Variants in RPH3AL observed in about 807,000 individuals in gnomAD.
The protein encoded by RPH3AL is rab effector Noc2.
RPH3AL carries 38 observed loss-of-function variants against 43.1 expected under a neutral mutation model. That is an observed-to-expected ratio of 0.88 (90% CI 0.68 to 1.15). RPH3AL has a LOEUF of 1.15. RPH3AL is among the 50% of genes most tolerant of loss of function. The pLI, the probability that RPH3AL is intolerant of heterozygous loss-of-function variation, is 0.00. For synonymous variants in RPH3AL, 189 were observed against 176.3 expected (o/e 1.07, Z -0.57); for missense variants, 462 against 423.2 (o/e 1.09, Z -0.81).
Position 324,706 on chromosome 17 carries a change from T to G in RPH3AL, c.77+2761A>C, listed in dbSNP as rs571390990. 8.0e-3 allele frequency among the ~76,000 whole-genome samples: 605 copies of G among 75,642 alleles called. 3 individuals are homozygous for G. The highest frequency in any genetic ancestry group is 0.021 in the African/African-American group (454 of 21,890). The allele number at this position is 75,642 out of a possible 152,430, so 49.6% of individuals were successfully genotyped here. A position where few individuals can be genotyped will look rare whatever the true frequency, so the allele number is the denominator to read the frequency against. On this transcript the variant is annotated intron_variant, in intron 3 of 9. Coordinates refer to ENST00000331302, the MANE Select transcript of RPH3AL (RefSeq NM_006987.4). ...TTCTATCTATCTAGCTAGCTAGCTA[T>G]GTACCTATCTATCTATCTATCTATC...
intron 2 of RPH3AL, chr17:331,418 C>A: frequency 2.8e-6 from 1 of 360,972 alleles, no homozygotes; most frequent in Non-Finnish European, 4.5e-6. Context: ...ACAGGGGTGG[C>A]CCTGAGCAAA....
intron 5 of RPH3AL, among the ~76,000 whole-genome samples, chr17:301,144 G>T (rs1344716108): frequency 6.6e-6 from 1 of 152,284 alleles, no homozygotes; most frequent in African/African-American, 2.4e-5. Flanking sequence ...TCCGCCATAG[G>T]GGCTGCAATC....
chr17:331,885 G>C, intron 2 of RPH3AL: 2 of 1,288,678 alleles, frequency 1.6e-6, no homozygotes, highest in Non-Finnish European at 2.0e-6. Flanking sequence ...ATTTGTCCTG[G>C]ACAAAAATTA....
At chr17:284,831 C>A (rs141303080) in intron 5 of RPH3AL, among the ~76,000 whole-genome samples, 2 of 152,232 alleles carry the variant, frequency 1.3e-5, no homozygotes, top group African/African-American at 4.8e-5. Context: ...AGAGGCCTGA[C>A]GGCCCCGGTC....
At chr17:284,663 T>G (rs796879764) in intron 5 of RPH3AL, among the ~76,000 whole-genome samples, 18 of 152,176 alleles carry the variant, frequency 1.2e-4, no homozygotes, top group African/African-American at 3.6e-4. Flanking sequence ...ACAGGTGCCC[T>G]CGCAGCCTGG....
intron 7 of RPH3AL, among the ~76,000 whole-genome samples, chr17:235,397 G>GGA (rs2041348159): frequency 3.4e-5 from 3 of 89,270 alleles, no homozygotes; most frequent in African/African-American, 9.0e-5. Context: ...AACAAGACAG[G>GGA]TCCCGGGTTC....
intron 1 of RPH3AL, among the ~76,000 whole-genome samples, chr17:347,836 A>T (rs1446690427): frequency 6.6e-6 from 1 of 152,074 alleles, no homozygotes; most frequent in Non-Finnish European, 1.5e-5. Flanking sequence ...GGTACCATAT[A>T]TTCATACGAT....
Position 328,069 on chromosome 17 carries a change from T to C in RPH3AL, c.-36-490A>G, listed in dbSNP as rs1321802240. Among the ~76,000 whole-genome samples, 1 of 152,042 alleles carries C rather than the reference T, an allele frequency of 6.6e-6. No individual in the cohort carries two copies. Among genetic ancestry groups the C allele is most frequent in the Non-Finnish European group, 1.5e-5 (1 of 67,996 alleles). ...CTCCTTCCCAACAGACTCACACCGA[T>C]GATCACAATGCCCTCGAGGGCAGGC... On this transcript the variant is annotated intron_variant, in intron 2 of 9. Transcript: ENST00000331302. The surrounding 1 kb of genome is among the most constrained non-coding windows in gnomAD (Gnocchi z 4.2).
At chr17:297,090 A>G (rs1274150634) in intron 5 of RPH3AL, among the ~76,000 whole-genome samples, 1 of 152,204 alleles carries the variant, frequency 6.6e-6, no homozygotes, top group Non-Finnish European at 1.5e-5. Context: ...CTCCAAGCCA[A>G]CATGATGAAG....
chr17:304,872 C>T (rs1305378369), intron 5 of RPH3AL, among the ~76,000 whole-genome samples: 2 of 145,418 alleles, frequency 1.4e-5, no homozygotes, highest in Non-Finnish European at 3.0e-5. Flanking sequence ...GAAATAGGGG[C>T]CAGCCCCCGG....
rs2040773368 is a variant in RPH3AL at position 215,438 on chromosome 17, G to C, written c.876+216C>G. On this transcript the variant is annotated intron_variant, in intron 9 of 9. Transcript: ENST00000331302. The surrounding 1 kb of genome is among the most constrained non-coding windows in gnomAD (Gnocchi z 4.1). ...AACCACTGCTGTGATTACCGAGAGT[G>C]GCTAGGGATGGCTACCATTATCATT... Among the ~76,000 whole-genome samples the C allele has an allele frequency of 6.6e-6, 1 of 152,244 alleles. No individual in the cohort carries two copies. The highest frequency in any genetic ancestry group is 2.4e-5 in the African/African-American group (1 of 41,474).
intron 7 of RPH3AL, among the ~76,000 whole-genome samples, chr17:243,972 A>ACCTTCCTCTATTGATTAC (rs1276595625): frequency 1.2e-4 from 16 of 139,052 alleles, no homozygotes; most frequent in African/African-American, 3.7e-4. Context: ...TCTACTGATT[A>ACCTTCCTCTATTGATTAC]CCTTCCTCTA....
intron 1 of RPH3AL, among the ~76,000 whole-genome samples, chr17:348,607 C>A (rs116585379): frequency 0.011 from 1,612 of 149,572 alleles, 19 homozygotes; most frequent in Middle Eastern, 0.039. Context: ...ATAGAGAAAA[C>A]AAAAATAGCA....
At chr17:317,318 C>T (rs1598114299) in intron 5 of RPH3AL, among the ~76,000 whole-genome samples, 1 of 151,238 alleles carries the variant, frequency 6.6e-6, no homozygotes, top group Admixed American at 6.6e-5. Context: ...GACCTTTAGT[C>T]CATGTGCCCC....
At chr17:293,644 C>G (rs1274546962) in intron 5 of RPH3AL, among the ~76,000 whole-genome samples, 2 of 152,120 alleles carry the variant, frequency 1.3e-5, no homozygotes, top group African/African-American at 4.8e-5. Flanking sequence ...CGTGCAGCAC[C>G]GGTGATGGGA....
At chr17:242,120 A>G (rs1435920318) in intron 7 of RPH3AL, among the ~76,000 whole-genome samples, 1 of 152,208 alleles carries the variant, frequency 6.6e-6, no homozygotes, top group African/African-American at 2.4e-5. Flanking sequence ...GTCTCAATAA[A>G]AAAAAGAAAA....
intron 7 of RPH3AL, among the ~76,000 whole-genome samples, chr17:238,268 AAAAG>A (rs770579699): frequency 1.1e-3 from 172 of 152,100 alleles, no homozygotes; most frequent in Middle Eastern, 3.4e-3. Flanking sequence ...GAGAAAGAGA[AAAAG>A]AGAGAGAGAG....
intron 7 of RPH3AL, among the ~76,000 whole-genome samples, chr17:243,239 TATTG>T (rs1241865635): frequency 6.9e-5 from 10 of 145,702 alleles, no homozygotes; most frequent in African/African-American, 1.3e-4. Flanking sequence ...TACCTTCCTC[TATTG>T]ATTACCTTTC....
chr17:284,155 G>A (rs1337978004), intron 5 of RPH3AL, among the ~76,000 whole-genome samples: 1 of 152,188 alleles, frequency 6.6e-6, no homozygotes, highest in Non-Finnish European at 1.5e-5. Flanking sequence ...AGGCGATGCT[G>A]CGGGAACAGG....
Sources: gnomAD v4.1 joint callset for allele counts (sites outside exome capture counted in the v4.1 genomes callset) on GRCh38, gnomAD v4.1.1 for gene constraint, Gnocchi (gnomAD v3.1) non-coding constraint, MANE v1.5 for transcripts, NCBI Gene and HGNC (gene_info 2026-07-23, HGNC 2026-07-21) for gene names.